HMGB1: variants seen among roughly 807,000 people sequenced by gnomAD.
HMGB1 encodes the protein high mobility group box 1.
For synonymous variants in HMGB1, 81 were observed against 84.0 expected (o/e 0.96, Z 0.19); for missense variants, 79 against 253.5 (o/e 0.31, Z 4.67).
chr13:30,463,766 G>T (rs2249825), intron 1 of HMGB1, 72 bp from the exon 2 acceptor site: 12 of 1,004,980 alleles, frequency 1.2e-5, no homozygotes, highest in Middle Eastern at 2.9e-4. Flanking sequence ...TACTTAGTAA[G>T]GGAATGAAAA....
intron 1 of HMGB1, among the ~76,000 whole-genome samples, chr13:30,585,426 G>T (rs2137546941): frequency 6.6e-6 from 1 of 152,304 alleles, no homozygotes; most frequent in African/African-American, 2.4e-5. Context: ...GGTGGTTCAT[G>T]CTTGTAATCC....
At chr13:30,463,091 A>T in intron 3 of HMGB1, 116 bp downstream of exon 3, 1 of 1,016,720 alleles carries the variant, frequency 9.8e-7, no homozygotes, top group Non-Finnish European at 1.5e-6. Context: ...AACAAGTATT[A>T]GCTAAGAAAC....
At chr13:30,463,024 C>T (rs189595132) in intron 3 of HMGB1, among the ~76,000 whole-genome samples, 183 bp downstream of exon 3, 1 of 152,290 alleles carries the variant, frequency 6.6e-6, no homozygotes, top group Admixed American at 6.5e-5. Context: ...AATTCAAATG[C>T]TCTGGGAACA....
At chr13:30,524,890 G>A (rs1257374393) in intron 1 of HMGB1, among the ~76,000 whole-genome samples, 1 of 152,008 alleles carries the variant, frequency 6.6e-6, no homozygotes, top group African/African-American at 2.4e-5. Flanking sequence ...TTTCTTAATT[G>A]GAACCTTGCC....
At chr13:30,466,020 C>T (rs989285166), upstream of HMGB1, 3 of 932,090 alleles carry the variant, frequency 3.2e-6, no homozygotes, top group Non-Finnish European at 3.8e-6. Flanking sequence ...TTGTCCTGAC[C>T]AGAGCCCGTT....
intron 1 of HMGB1, chr13:30,464,319 G>A: frequency 1.0e-6 from 1 of 985,390 alleles, no homozygotes; most frequent in Non-Finnish European, 1.2e-6. Context: ...ATGTATTTCT[G>A]TTCTGACTAA....
chr13:30,564,175 G>A (rs1169752828), intron 1 of HMGB1, among the ~76,000 whole-genome samples: 1 of 150,786 alleles, frequency 6.6e-6, no homozygotes, highest in Non-Finnish European at 1.5e-5. Flanking sequence ...GCTCATGCCT[G>A]TAATCCCAGC....
chr13:30,468,820 G>A (rs1042299471), upstream of HMGB1, among the ~76,000 whole-genome samples: 4 of 152,226 alleles, frequency 2.6e-5, no homozygotes, highest in Middle Eastern at 3.4e-3. Flanking sequence ...GATATTAGAC[G>A]CTTTTCTTCT....
In HMGB1 at chr13:30,599,975, T is replaced by C. The variant is rs150261119; in HGVS notation, c.-15+16696A>G. 7.4e-3 allele frequency among the ~76,000 whole-genome samples: 1,127 copies of C among 152,346 alleles called. 12 individuals carry two copies. Among genetic ancestry groups the C allele is most frequent in the African/African-American group, 0.024 (1,016 of 41,566 alleles). On this transcript the variant is annotated intron_variant, in intron 1 of 4. Transcript: ENST00000405805. Reference sequence around the variant, plus strand: ...ACCCAAATGAAATAATATAGCATGATGATCTGAATTTATTAAAGGCAATTT... The same window carrying C: ...ACCCAAATGAAATAATATAGCATGACGATCTGAATTTATTAAAGGCAATTT...
At chr13:30,521,330 T>C (rs1043125929) in intron 1 of HMGB1, among the ~76,000 whole-genome samples, 1 of 152,218 alleles carries the variant, frequency 6.6e-6, no homozygotes, top group Admixed American at 6.5e-5. Context: ...TACAATTTCA[T>C]TACCCCAGAA....
chr13:30,554,281 C>T, intron 1 of HMGB1: 1 of 1,289,596 alleles, frequency 7.8e-7, no homozygotes, highest in Non-Finnish European at 1.1e-6. Context: ...AATCTGGCTC[C>T]TTGAACCCTG....
upstream of HMGB1, among the ~76,000 whole-genome samples, chr13:30,467,493 T>C (rs1437162012): frequency 6.6e-6 from 1 of 152,172 alleles, no homozygotes; most frequent in Non-Finnish European, 1.5e-5. Context: ...GAATGGACAA[T>C]ATATCACACA....
At chr13:30,523,220 G>A (rs1888279375) in intron 1 of HMGB1, among the ~76,000 whole-genome samples, 1 of 152,170 alleles carries the variant, frequency 6.6e-6, no homozygotes. Context: ...TGAACTGAGA[G>A]AACTGAAAAA....
chr13:30,597,459 G>GT (rs1356430271), intron 1 of HMGB1, among the ~76,000 whole-genome samples: 1 of 152,136 alleles, frequency 6.6e-6, no homozygotes, highest in Admixed American at 6.5e-5. Context: ...ATAAATTTTT[G>GT]TTGTTCAAGC....
intron 1 of HMGB1, chr13:30,465,087 G>A: frequency 1.1e-6 from 1 of 907,906 alleles, no homozygotes; most frequent in Non-Finnish European, 1.3e-6. Flanking sequence ...GAACTGCTGC[G>A]CCCAGCTCCC....
chr13:30,508,155 A>G (rs1444888358), intron 1 of HMGB1, among the ~76,000 whole-genome samples: 1 of 152,208 alleles, frequency 6.6e-6, no homozygotes, highest in East Asian at 1.9e-4. Context: ...ATGGAGTTAG[A>G]GTAACATCAT....
At chr13:30,471,525 T>G (rs1325537726) in intron 1 of HMGB1, among the ~76,000 whole-genome samples, 1 of 151,340 alleles carries the variant, frequency 6.6e-6, no homozygotes, top group South Asian at 2.1e-4. Context: ...TTTTTTTTTT[T>G]TGTATTTTTA....
At chr13:30,480,922 G>A (rs1216692115) in intron 1 of HMGB1, among the ~76,000 whole-genome samples, 3 of 151,698 alleles carry the variant, frequency 2.0e-5, no homozygotes, top group African/African-American at 2.4e-5. Context: ...TAGTAACTAA[G>A]GAAATCAATA....
intron 1 of HMGB1, among the ~76,000 whole-genome samples, chr13:30,515,932 A>G (rs1888092643): frequency 6.6e-6 from 1 of 152,156 alleles, no homozygotes; most frequent in East Asian, 1.9e-4. Flanking sequence ...TAACAAACCT[A>G]CTTCCGAGGT....
Sources: allele counts gnomAD v4.1 joint callset (sites outside exome capture counted in the v4.1 genomes callset), GRCh38; gene constraint gnomAD v4.1.1; transcripts MANE v1.5; gene names NCBI Gene and HGNC (gene_info 2026-07-23, HGNC 2026-07-21).